ADD3: variants seen among roughly 807,000 people sequenced by gnomAD.
ADD3 encodes gamma-adducin.
A neutral mutation model predicts 80.2 loss-of-function variants in ADD3; 25 were observed. The observed-to-expected ratio is 0.31, with a 90% confidence interval of 0.23 to 0.44. The LOEUF is 0.44. Among genes scored for constraint, ADD3 ranks in the 20% least tolerant of loss-of-function variants. ADD3 has a pLI of 1.00. For synonymous variants in ADD3, 284 were observed against 289.6 expected (o/e 0.98, Z 0.20); for missense variants, 829 against 847.5 (o/e 0.98, Z 0.27).
Position 110,076,957 on chromosome 10 carries a change from C to T in ADD3, c.-29-23668C>T, listed in dbSNP as rs139956104. ...TGCAGTTTGCTCTCACTGAAGTCTG[C>T]CTGGGTGTGTTGTTTCCCCCAGAGT... On this transcript the variant is annotated intron_variant, in intron 1 of 14. Coordinates refer to ENST00000356080, the MANE Select transcript of ADD3 (RefSeq NM_016824.5). 853 of 152,308 alleles carry T rather than the reference C, an allele frequency of 5.6e-3. 8 individuals are homozygous for T. The highest frequency in any genetic ancestry group is 0.014 in the Middle Eastern group (4 of 294). 9.4% of individuals were successfully genotyped at this position (152,308 alleles called of 1,614,324 possible).
chr10:110,027,135 A>G (rs773900696), intron 1 of ADD3, among the ~76,000 whole-genome samples: 4 of 152,244 alleles, frequency 2.6e-5, no homozygotes, highest in Non-Finnish European at 5.9e-5. Context: ...GGAATGAGGT[A>G]GAAGACTACA....
chr10:110,106,222 T>G (rs946246580), intron 2 of ADD3, among the ~76,000 whole-genome samples: 8 of 151,966 alleles, frequency 5.3e-5, no homozygotes, highest in African/African-American at 1.9e-4. Context: ...TATTTAAAAT[T>G]CATCTCTGAT....
At position 110,125,955 on chromosome 10, in the gene ADD3, G is replaced by C. The variant is rs769933582; in HGVS notation, c.1521+10G>C. The C allele has an allele frequency of 8.3e-5, 132 of 1,595,104 alleles. No individual in the cohort carries two copies. Among genetic ancestry groups the C allele is most frequent in the Non-Finnish European group, 1.1e-4 (125 of 1,168,118 alleles). On this transcript the variant is annotated intron_variant, in intron 11 of 14. Transcript: ENST00000356080. ...AGAAAAGAGAAATAAGGTAAGACAT[G>C]GTCTTCTATAGCCAGGGGAGACATT...
At chr10:110,005,674 T>C (rs1324962715), upstream of ADD3, 1 of 152,228 alleles carries the variant, frequency 6.6e-6, no homozygotes, top group Non-Finnish European at 1.5e-5. Flanking sequence ...CCCCAATGTT[T>C]GAAATTAGCA....
At chr10:110,063,141 G>A (rs201734882) in intron 1 of ADD3, among the ~76,000 whole-genome samples, 1 of 152,102 alleles carries the variant, frequency 6.6e-6, no homozygotes, top group East Asian at 1.9e-4. Context: ...TAAGTGTTTT[G>A]TGAATGTGTT....
At chr10:110,113,143 T>C (rs1850261262) in intron 3 of ADD3, among the ~76,000 whole-genome samples, 1 of 152,176 alleles carries the variant, frequency 6.6e-6, no homozygotes. Context: ...CTGGGACTTG[T>C]GGCATGTGTC....
chr10:110,072,475 CAGTT>C (rs1384510139), intron 1 of ADD3, among the ~76,000 whole-genome samples: 13 of 152,162 alleles, frequency 8.5e-5, no homozygotes, highest in African/African-American at 1.2e-4. Context: ...AGGGAACAGA[CAGTT>C]AGTGTAAGGA....
chr10:110,040,960 C>G (rs1242035252), intron 1 of ADD3, among the ~76,000 whole-genome samples: 3 of 15,796 alleles, frequency 1.9e-4, no homozygotes, highest in Non-Finnish European at 9.4e-4. Context: ...CTCTGTCTCT[C>G]TCTGTCTCTC....
At chr10:110,025,160 T>C (rs138320398) in intron 1 of ADD3, among the ~76,000 whole-genome samples, 2,399 of 152,100 alleles carry the variant, frequency 0.016, 67 homozygotes, top group African/African-American at 0.054. Context: ...CCTCCCAAAG[T>C]GCTGGGATTA....
rs11369505 is a variant in ADD3, at chr10:110,031,906, CT to C, written c.-30+23619del. ...AATTGACATATGTATTACCTCAATA[CT>C]TTTTTTTTTTTGTGATAACATTTAA... On this transcript the variant is annotated intron_variant, in intron 1 of 14. Coordinates refer to ENST00000356080, the MANE Select transcript of ADD3 (RefSeq NM_016824.5). Among the ~76,000 whole-genome samples, 766 of 145,678 alleles carry C rather than the reference CT, an allele frequency of 5.3e-3. 2 individuals carry two copies. Among genetic ancestry groups the C allele is most frequent in the Middle Eastern group, 7.1e-3 (2 of 280 alleles).
intron 5 of ADD3, among the ~76,000 whole-genome samples, 196 bp from the exon 6 acceptor site, chr10:110,118,391 G>A (rs1253891049): frequency 2.0e-5 from 3 of 152,176 alleles, no homozygotes; most frequent in African/African-American, 7.2e-5. Context: ...AGCTATACCT[G>A]TTAACTTACA....
intron 12 of ADD3, among the ~76,000 whole-genome samples, chr10:110,129,795 T>C (rs1852702081): frequency 6.6e-6 from 1 of 152,202 alleles, no homozygotes; most frequent in Non-Finnish European, 1.5e-5. Flanking sequence ...TCATCTCACA[T>C]TCTTTTGTCC....
chr10:110,126,072 G>C, intron 11 of ADD3, 127 bp downstream of exon 11: 1 of 1,009,100 alleles, frequency 9.9e-7, no homozygotes, highest in Admixed American at 2.7e-5. Context: ...ATTTAATTCA[G>C]TATAATTTTA....
chr10:110,112,497 T>C (rs1170885293), intron 2 of ADD3: 2 of 270,902 alleles, frequency 7.4e-6, no homozygotes, highest in Non-Finnish European at 1.4e-5. Context: ...AGTTGTATAT[T>C]AATAAGAGGA....
At chr10:110,095,217 A>G (rs1400608439) in intron 1 of ADD3, among the ~76,000 whole-genome samples, 3 of 152,228 alleles carry the variant, frequency 2.0e-5, no homozygotes, top group African/African-American at 7.2e-5. Flanking sequence ...TTAAAATAAC[A>G]GTTTTATGGA....
At chr10:110,019,983 C>T (rs1763191592) in intron 1 of ADD3, among the ~76,000 whole-genome samples, 3 of 152,166 alleles carry the variant, frequency 2.0e-5, no homozygotes. Flanking sequence ...CAGATTCTTT[C>T]CAAAATACGT....
At chr10:110,019,352 G>C (rs933062298) in intron 1 of ADD3, among the ~76,000 whole-genome samples, 8 of 143,256 alleles carry the variant, frequency 5.6e-5, no homozygotes, top group Non-Finnish European at 1.2e-4. Flanking sequence ...GTAACTTTCT[G>C]TTTGCTTTTT....
intron 1 of ADD3, among the ~76,000 whole-genome samples, chr10:110,095,685 A>G (rs1848067228): frequency 6.6e-6 from 1 of 152,250 alleles, no homozygotes; most frequent in Admixed American, 6.5e-5. Context: ...ATAATTTTAT[A>G]ATAGTCAAAG....
chr10:110,130,256 G>A (rs902673362), intron 12 of ADD3, 107 bp from the exon 13 acceptor site: 70 of 1,124,282 alleles, frequency 6.2e-5, no homozygotes, highest in Non-Finnish European at 9.0e-6. Flanking sequence ...GTGAAATAAG[G>A]CTTCACAAAC....
Sources: allele counts gnomAD v4.1 joint callset (sites outside exome capture counted in the v4.1 genomes callset), GRCh38; gene constraint gnomAD v4.1.1; transcripts MANE v1.5; gene names NCBI Gene and HGNC (gene_info 2026-07-23, HGNC 2026-07-21).